The following KDM5C variants were observed in gnomAD, a reference collection of about 807,000 sequenced individuals.
KDM5C encodes the protein lysine demethylase 5C.
In KDM5C, 16 loss-of-function variants were observed where a neutral mutation model predicts 110.6. The ratio of observed to expected loss-of-function variants is 0.14; its 90% CI spans 0.10 to 0.22. The LOEUF is 0.22. Among genes scored for constraint, KDM5C ranks in the 10% least tolerant of loss-of-function variants. The pLI, the probability that KDM5C is intolerant of heterozygous loss-of-function variation, is 1.00. For missense variants in KDM5C, 681 were observed against 1,300.9 expected, an observed-to-expected ratio of 0.52 and a Z score of 7.33; for synonymous variants, 511 against 520.4, an observed-to-expected ratio of 0.98 and a Z score of 0.24.
intron 8 of KDM5C, chrX:53,212,367 A>ATG: frequency 1.5e-5 from 2 of 133,773 alleles, no homozygotes; most frequent in Non-Finnish European, 2.9e-5. Context: ...GTGCAGGGTC[A>ATG]CAATCTCAAC....
chrX:53,202,222 G>C, intron 12 of KDM5C: 1 of 346,986 alleles, frequency 2.9e-6, no homozygotes, highest in South Asian at 4.1e-5. Flanking sequence ...AACTTCCTTA[G>C]TAATTTTTGC....
chrX:53,223,653 T>C (rs1556855654), intron 1 of KDM5C, among the ~76,000 whole-genome samples: 1 of 112,323 alleles, frequency 8.9e-6, no homozygotes, highest in Non-Finnish European at 1.9e-5. Flanking sequence ...AGGCAGCAGC[T>C]TGCCCTAGCC....
In KDM5C at chrX:53,193,292, C is replaced by G; in HGVS notation, c.4358G>C (p.Arg1453Pro). The change falls in exon 26 of 26, where the codon CGG becomes CCG. Residue 1453 changes from arginine (R) to proline (P), a missense_variant. Arg to Pro is a moderately radical substitution (Grantham distance 103). This residue lies in a region of KDM5C where 115 missense variants were observed against 120.9 expected (regional missense o/e 0.95). Coordinates refer to ENST00000375401, the MANE Select transcript of KDM5C (RefSeq NM_004187.5). ...CCGCCGCCGCCGCCTCTCCAGGGCCCGGCCCCGAGCCCGACTCCCGTGACG... is the reference window on the plus strand; with the variant it reads ...CCGCCGCCGCCGCCTCTCCAGGGCCGGGCCCCGAGCCCGACTCCCGTGACG... ...AERHGSRARG[R>P]ALERRRRRKV... 1 of 1,209,847 alleles carries G rather than the reference C, an allele frequency of 8.3e-7. No homozygotes were observed. The highest frequency in any genetic ancestry group is 2.2e-5 in the Admixed American group (1 of 46,047).
chrX:53,190,733 AG>A (rs1934382751), downstream of KDM5C, among the ~76,000 whole-genome samples: 1 of 111,930 alleles, frequency 8.9e-6, no homozygotes, highest in Non-Finnish European at 1.9e-5. Context: ...AGCAGGGCTG[AG>A]CCAGACCTTC....
chrX:53,221,340 G>A (rs184144065), intron 1 of KDM5C, among the ~76,000 whole-genome samples: 111 of 111,483 alleles, frequency 1.0e-3, no homozygotes, highest in Admixed American at 2.2e-3. Flanking sequence ...GAAGATATGG[G>A]TTCATGTTCT....
intron 17 of KDM5C, among the ~76,000 whole-genome samples, chrX:53,198,243 C>T: frequency 9.0e-6 from 1 of 111,670 alleles, no homozygotes; most frequent in South Asian, 3.8e-4. Flanking sequence ...CAGGCCACTT[C>T]CAGGTACTGA....
chrX:53,196,098 C>T, intron 19 of KDM5C, 44 bp from the exon 20 acceptor site: 1 of 1,198,765 alleles, frequency 8.3e-7, no homozygotes, highest in East Asian at 3.0e-5. Flanking sequence ...ATGTGGTCTG[C>T]CTGACCAGAA....
chrX:53,210,635 C>A (rs970224583), intron 11 of KDM5C, 41 bp downstream of exon 11: 5 of 1,207,798 alleles, frequency 4.1e-6, no homozygotes, highest in Non-Finnish European at 5.6e-6. Flanking sequence ...GCAGGGAGCC[C>A]ACACTGACTT....
rs782719886 is a variant in KDM5C at position 53,176,380 on chromosome X, T to C, written c.*201A>G. Among the ~76,000 whole-genome samples, 7 of 111,550 alleles carry C rather than the reference T, an allele frequency of 6.3e-5. No homozygotes were observed. The South Asian group carries it at 2.6e-3, about 42-fold the overall frequency. On this transcript the variant is annotated 3_prime_UTR_variant, in exon 26 of 26. Coordinates refer to the KDM5C transcript ENST00000685641. Reference sequence around the variant, plus strand: ...TGACTAAAGTTAGGGGTTTATATAGTAGGGAAGGAACGTAAAACAAGAATT... The same window carrying C: ...TGACTAAAGTTAGGGGTTTATATAGCAGGGAAGGAACGTAAAACAAGAATT...
chrX:53,203,198 G>C (rs2073204534), intron 12 of KDM5C, among the ~76,000 whole-genome samples: 1 of 111,954 alleles, frequency 8.9e-6, no homozygotes, highest in Non-Finnish European at 1.9e-5. Flanking sequence ...CTGTTGAAAA[G>C]TTCGAAGCCA....
chrX:53,201,384 G>T, intron 14 of KDM5C, 166 bp downstream of exon 14: 1 of 506,488 alleles, frequency 2.0e-6, no homozygotes, highest in Admixed American at 2.9e-5. Flanking sequence ...TCGACTTAAG[G>T]TTGCTGGTAA....
intron 12 of KDM5C, among the ~76,000 whole-genome samples, chrX:53,205,877 A>C (rs2073312585): frequency 8.9e-6 from 1 of 111,752 alleles, no homozygotes; most frequent in Non-Finnish European, 1.9e-5. Context: ...ATTAATTAGA[A>C]GGGGTCTTAC....
chrX:53,191,586 C>A (rs1420930641), downstream of KDM5C: 1 of 173,430 alleles, frequency 5.8e-6, no homozygotes, highest in Non-Finnish European at 1.1e-5. Flanking sequence ...AATGACCACA[C>A]ATCTGAGCTT....
In KDM5C at chrX:53,195,071, G is replaced by A. The variant is rs1361298290; in HGVS notation, c.3301-3C>T. The A allele has an allele frequency of 1.7e-6, 2 of 1,207,855 alleles. No homozygotes were observed. Among genetic ancestry groups the A allele is most frequent in the Non-Finnish European group, 2.2e-6 (2 of 893,570 alleles). On this transcript the variant is annotated splice_polypyrimidine_tract_variant and splice_region_variant and intron_variant, in intron 21 of 25. Transcript: ENST00000375401. Reference sequence around the variant, plus strand: ...GCATCTGCACATGGGCAGAGAACCTGGGGCAGGCAGACAAGAGAGGGAATG... The same window carrying A: ...GCATCTGCACATGGGCAGAGAACCTAGGGCAGGCAGACAAGAGAGGGAATG...
intron 1 of KDM5C, among the ~76,000 whole-genome samples, chrX:53,223,976 T>C (rs147806793): frequency 0.015 from 1,708 of 112,406 alleles, 40 homozygotes; most frequent in African/African-American, 0.052. Context: ...GACAATTCCC[T>C]GAACCCACCT....
rs782343118 is a variant in KDM5C at position 53,216,020 on chromosome X, T to G, written c.782-44A>C. The G allele has an allele frequency of 5.0e-6, 6 of 1,210,256 alleles. No homozygotes were observed. In the African/African-American group the frequency reaches 1.0e-4, roughly 21 times the overall value. ...GCTGTAAACACAGGTCTAGGACACT[T>G]AGGGCCCTGACTTTTCTCCCCAGGT... On this transcript the variant is annotated intron_variant, in intron 6 of 25. Coordinates refer to ENST00000375401, the MANE Select transcript of KDM5C (RefSeq NM_004187.5).
At position 53,214,841 on chromosome X, in the gene KDM5C, A is replaced by T. The variant is rs369852803; in HGVS notation, c.970T>A (p.Ser324Thr). 1.7e-6 allele frequency: 2 copies of T among 1,209,572 alleles called. No homozygotes were observed. Among genetic ancestry groups the T allele is most frequent in the Non-Finnish European group, 2.2e-6 (2 of 895,000 alleles). ...CGAGAACACATCCGGCAGACATATGACTCAATCTGCCAGGGGAGAAGAGCA... is the reference window on the plus strand; with the variant it reads ...CGAGAACACATCCGGCAGACATATGTCTCAATCTGCCAGGGGAGAAGAGCA... ...RNHSNAQFIE[S>T]YVCRMCSRGD... Residue 324 changes from serine (S) to threonine (T), a missense_variant, in exon 8 of 26, where the codon TCA (serine) becomes ACA (threonine). Ser to Thr is a moderately conservative substitution (Grantham distance 58). Coordinates refer to ENST00000375401, the MANE Select transcript of KDM5C (RefSeq NM_004187.5).
chrX:53,193,815 T>G lies in KDM5C; in HGVS notation c.4075A>C (p.Ser1359Arg). The G allele has an allele frequency of 8.3e-7, 1 of 1,211,361 alleles. No individual in the cohort carries two copies. Among genetic ancestry groups the G allele is most frequent in the Non-Finnish European group, 1.1e-6 (1 of 895,074 alleles). The change falls in exon 24 of 26, where the codon AGT becomes CGT. Residue 1359 changes from serine to arginine, a missense_variant. By Grantham distance (110) the Ser-to-Arg change is moderately radical (BLOSUM62 -1). Around this residue, in one of 14 missense-constraint regions of KDM5C, gnomAD observed 88 missense variants for 85.6 expected, o/e 1.03. Transcript: ENST00000375401. ...GLLENGDSVT[S>R]PEKVAPEEGS... is the part of the protein sequence containing the mutation. ...TCCTCCGGGGCTACCTTCTCAGGAC[T>G]GGTCACACTGTCTCCATTCTCCAGT...
chrX:53,209,648 T>C (rs781981524), intron 12 of KDM5C, among the ~76,000 whole-genome samples: 3 of 111,366 alleles, frequency 2.7e-5, no homozygotes, highest in Non-Finnish European at 5.7e-5. Context: ...AAAGCAGAGA[T>C]AGAGGATCTA....
Sources: gnomAD v4.1 joint callset for allele counts (sites outside exome capture counted in the v4.1 genomes callset) on GRCh38, gnomAD v4.1.1 for gene constraint, gnomAD v4.1.1 regional missense constraint, MANE v1.5 for transcripts, NCBI Gene and HGNC (gene_info 2026-07-23, HGNC 2026-07-21) for gene names.